The following DHX35 variants were observed in gnomAD, a reference collection of about 807,000 sequenced individuals.
The protein encoded by DHX35 is probable ATP-dependent RNA helicase DHX35.
A neutral mutation model predicts 99.6 loss-of-function variants in DHX35; 84 were observed. The ratio of observed to expected loss-of-function variants is 0.84; its 90% CI spans 0.71 to 1.01. The LOEUF (loss-of-function observed/expected upper bound fraction) is 1.01. DHX35 is among the 50% of genes least tolerant of loss of function. The probability of loss-of-function intolerance (pLI) is 0.00; values close to 1 mark genes in which losing one functional copy is unlikely to be tolerated. For synonymous variants in DHX35, 331 were observed against 316.2 expected, an observed-to-expected ratio of 1.05 and a Z score of -0.50; for missense variants, 852 against 888.5, an observed-to-expected ratio of 0.96 and a Z score of 0.52.
At chr20:39,001,704 T>C in intron 8 of DHX35, 26 bp from the exon 9 acceptor site, 1 of 1,551,104 alleles carries the variant, frequency 6.4e-7, no homozygotes, top group Non-Finnish European at 8.8e-7. Context: ...CTAAGAGAAA[T>C]GAAGAATTAA....
Position 39,004,102 on chromosome 20 carries a change from G to T in DHX35, c.1011+195G>T, listed in dbSNP as rs578199537. Among the ~76,000 whole-genome samples, 58 of 151,742 alleles carry T rather than the reference G, an allele frequency of 3.8e-4. 1 individual carries two copies. Among genetic ancestry groups the T allele is most frequent in the Non-Finnish European group, 5.7e-4 (39 of 67,954 alleles). On this transcript the variant is annotated intron_variant, in intron 11 of 21. Coordinates refer to ENST00000252011, the MANE Select transcript of DHX35 (RefSeq NM_021931.4). Reference sequence around the variant, plus strand: ...TTTTGAGATGGAGTCTCGCTCTGTTGCCCAGGCTGGAGTGCAGTGGCGCGA... The same window carrying T: ...TTTTGAGATGGAGTCTCGCTCTGTTTCCCAGGCTGGAGTGCAGTGGCGCGA...
chr20:38,994,131 A>C (rs1209168521), intron 7 of DHX35, among the ~76,000 whole-genome samples: 1 of 152,132 alleles, frequency 6.6e-6, no homozygotes. Flanking sequence ...TCCATTGCCA[A>C]AGATTTAGAT....
Position 39,030,748 on chromosome 20 carries a change from T to C in DHX35, c.1928T>C (p.Val643Ala), listed in dbSNP as rs769008905. Reference protein sequence around the residue: ...DHELHIHPASVLYAEKPPRWV... With the variant: ...DHELHIHPASALYAEKPPRWV... ...GAGCTGCACATACACCCTGCGTCAG[T>C]CCTCTATGCAGAGAAGCCGCCTCGC... The change falls in exon 20 of 22, where the codon GTC becomes GCC. Residue 643 changes from valine to alanine, a missense_variant. By Grantham distance (64) the Val-to-Ala change is moderately conservative. Transcript: ENST00000252011. The C allele has an allele frequency of 1.2e-6, 2 of 1,614,188 alleles. No homozygotes were observed. The highest frequency in any genetic ancestry group is 2.2e-5 in the South Asian group (2 of 91,084).
intron 16 of DHX35, among the ~76,000 whole-genome samples, 175 bp downstream of exon 16, chr20:39,022,110 C>T (rs1883404420): frequency 6.6e-6 from 1 of 152,134 alleles, no homozygotes; most frequent in Admixed American, 6.5e-5. Context: ...GGCATCATTC[C>T]ACTTTATCTT....
At chr20:38,972,992 T>G (rs1438812406) in intron 3 of DHX35, among the ~76,000 whole-genome samples, 1 of 152,240 alleles carries the variant, frequency 6.6e-6, no homozygotes. Flanking sequence ...GCTGTAGTTG[T>G]AAATAAAAAT....
chr20:39,037,003 C>T (rs1189242661), intron 21 of DHX35, among the ~76,000 whole-genome samples: 1 of 152,182 alleles, frequency 6.6e-6, no homozygotes, highest in Non-Finnish European at 1.5e-5. Context: ...GTTCCTGGCA[C>T]CTTTGGAGAC....
chr20:39,022,950 T>C (rs2086896540), intron 16 of DHX35, among the ~76,000 whole-genome samples: 1 of 152,250 alleles, frequency 6.6e-6, no homozygotes, highest in Non-Finnish European at 1.5e-5. Context: ...TGAATTTGTA[T>C]GTGTAATGAG....
At chr20:38,977,846 C>G (rs765846382) in intron 3 of DHX35, 20 of 559,960 alleles carry the variant, frequency 3.6e-5, no homozygotes, top group Non-Finnish European at 5.2e-5. Context: ...TCTGATTTGA[C>G]TTTTGTGCAT....
chr20:38,969,860 C>T (rs190054464), intron 2 of DHX35, among the ~76,000 whole-genome samples: 2 of 152,320 alleles, frequency 1.3e-5, no homozygotes, highest in Admixed American at 1.3e-4. Context: ...TACACTTTGT[C>T]CCTGTTGGCA....
chr20:39,022,720 G>C (rs1470918652), intron 16 of DHX35, among the ~76,000 whole-genome samples: 3 of 152,244 alleles, frequency 2.0e-5, no homozygotes, highest in South Asian at 4.1e-4. Flanking sequence ...TCATGTTGCA[G>C]GTGGGCCATT....
intron 19 of DHX35, chr20:39,029,980 C>CT (rs998747126): frequency 0.014 from 1,917 of 137,998 alleles, 24 homozygotes; most frequent in African/African-American, 0.031. Flanking sequence ...CAGTATTGAG[C>CT]TTTTTTTTTT....
Position 38,974,845 on chromosome 20 carries a change from G to C in DHX35, c.267+2194G>C, listed in dbSNP as rs1601368039. On this transcript the variant is annotated intron_variant, in intron 3 of 21. Coordinates refer to ENST00000252011, the MANE Select transcript of DHX35 (RefSeq NM_021931.4). Reference sequence around the variant, plus strand: ...CATGGTTAGAGAAAGCAAAGACAGAGTGAGGTTTCTGGAGAGGTGGGTAGG... The same window carrying C: ...CATGGTTAGAGAAAGCAAAGACAGACTGAGGTTTCTGGAGAGGTGGGTAGG... 2.0e-5 allele frequency among the ~76,000 whole-genome samples: 3 copies of C among 152,342 alleles called. No individual in the cohort carries two copies. The East Asian group carries it at 5.8e-4, about 29-fold the overall frequency.
intron 14 of DHX35, among the ~76,000 whole-genome samples, chr20:39,017,112 G>A (rs1238691134): frequency 6.6e-6 from 1 of 152,006 alleles, no homozygotes; most frequent in Non-Finnish European, 1.5e-5. Context: ...TAAGAAACTT[G>A]CCTAACTTGT....
chr20:39,024,612 A>G (rs2086923158), intron 17 of DHX35, among the ~76,000 whole-genome samples: 1 of 152,214 alleles, frequency 6.6e-6, no homozygotes, highest in Non-Finnish European at 1.5e-5. Context: ...ATAGGTCTAC[A>G]TTGTATTATT....
Position 39,002,082 on chromosome 20 carries a change from A to G in DHX35, c.755+240A>G, listed in dbSNP as rs747506651. Among the ~76,000 whole-genome samples the G allele has an allele frequency of 8.1e-4, 123 of 152,362 alleles. 1 individual carries two copies. The highest frequency in any genetic ancestry group is 7.7e-4 in the East Asian group (4 of 5,190). On this transcript the variant is annotated intron_variant, in intron 9 of 21. Transcript: ENST00000252011. ...GGCCAGTAGCTCAGCCAGAGAGAGC[A>G]AAAGTGGTGAAAGGTTTTGGGGAGG...
At chr20:38,971,984 T>C in intron 2 of DHX35, among the ~76,000 whole-genome samples, 1 of 149,922 alleles carries the variant, frequency 6.7e-6, no homozygotes, top group African/African-American at 2.5e-5. Context: ...TATAATTTCT[T>C]GTTTTTTTTG....
chr20:39,007,917 C>T (rs1352574505), intron 12 of DHX35, among the ~76,000 whole-genome samples: 3 of 152,210 alleles, frequency 2.0e-5, no homozygotes, highest in Non-Finnish European at 4.4e-5. Flanking sequence ...ATTTACATAA[C>T]ACAACATTAA....
At chr20:39,023,400 G>A (rs540507748) in intron 16 of DHX35, among the ~76,000 whole-genome samples, 9 of 152,114 alleles carry the variant, frequency 5.9e-5, no homozygotes, top group South Asian at 2.1e-4. Flanking sequence ...ACAGGGTCTC[G>A]CCCTGTTGCC....
At chr20:38,991,715 ACATTAAAATTCCTAT>A (rs2086340564) in intron 6 of DHX35, among the ~76,000 whole-genome samples, 200 bp downstream of exon 6, 1 of 152,242 alleles carries the variant, frequency 6.6e-6, no homozygotes, top group African/African-American at 2.4e-5. Context: ...AAAAATGGGC[ACATTAAAATTCCTAT>A]CATTACTTAG....
Sources: gnomAD v4.1 joint callset for allele counts (sites outside exome capture counted in the v4.1 genomes callset) on GRCh38, gnomAD v4.1.1 for gene constraint, MANE v1.5 for transcripts, NCBI Gene and HGNC (gene_info 2026-07-23, HGNC 2026-07-21) for gene names.